Variants in PPP1R1C observed in about 807,000 individuals in gnomAD.
PPP1R1C encodes protein phosphatase 1 regulatory inhibitor subunit 1C, also known as protein phosphatase 1 regulatory subunit 1C.
In PPP1R1C, 15 loss-of-function variants were observed where a neutral mutation model predicts 17.4. The ratio of observed to expected loss-of-function variants is 0.86; its 90% CI spans 0.58 to 1.33. The LOEUF (loss-of-function observed/expected upper bound fraction) is 1.33. Among genes scored for constraint, PPP1R1C ranks in the 40% most tolerant of loss-of-function variants. The pLI is 0.00. For missense variants in PPP1R1C, 143 were observed against 130.0 expected (o/e 1.10, Z -0.48); for synonymous variants, 35 against 43.1 (o/e 0.81, Z 0.73).
chr2:181,999,952 T>C (rs1685713512), intron 2 of PPP1R1C, among the ~76,000 whole-genome samples: 1 of 152,210 alleles, frequency 6.6e-6, no homozygotes, highest in Non-Finnish European at 1.5e-5. Flanking sequence ...GAGGGACATC[T>C]GGATTCTAGT....
At chr2:182,111,079 A>G (rs1423702790) in intron 4 of PPP1R1C, among the ~76,000 whole-genome samples, 2 of 152,132 alleles carry the variant, frequency 1.3e-5, no homozygotes. Context: ...TTGATAAATG[A>G]TACCATATTA....
downstream of PPP1R1C, among the ~76,000 whole-genome samples, chr2:182,118,445 T>C (rs1251869214): frequency 6.6e-6 from 1 of 152,120 alleles, no homozygotes. Flanking sequence ...TGGTCCTTTA[T>C]TAATAATATT....
intron 2 of PPP1R1C, among the ~76,000 whole-genome samples, chr2:181,988,157 A>T (rs1315890757): frequency 1.3e-5 from 2 of 152,242 alleles, no homozygotes; most frequent in African/African-American, 4.8e-5. Context: ...ACTGGCTGTC[A>T]TATGTTCAGG....
chr2:182,008,255 A>T (rs906246713), intron 2 of PPP1R1C, among the ~76,000 whole-genome samples: 1 of 152,204 alleles, frequency 6.6e-6, no homozygotes, highest in African/African-American at 2.4e-5. Flanking sequence ...AGAGAGGGAC[A>T]GACTCAATAG....
At chr2:182,129,887 G>C (rs1207406962) in exon 6 of PPP1R1C, 1 of 152,088 alleles carries the variant, frequency 6.6e-6, no homozygotes, top group Non-Finnish European at 1.5e-5. Context: ...TTGCTAATGA[G>C]GCTAAGCTGG....
In PPP1R1C at chr2:182,081,808, G is replaced by A. The variant is rs556331037; in HGVS notation, c.241+18017G>A. Among the ~76,000 whole-genome samples, 218 of 152,240 alleles carry A rather than the reference G, an allele frequency of 1.4e-3. 2 individuals are homozygous for A. The highest frequency in any genetic ancestry group is 4.9e-3 in the African/African-American group (203 of 41,538). On this transcript the variant is annotated intron_variant, in intron 4 of 4. Coordinates refer to ENST00000682840, the MANE Select transcript of PPP1R1C (RefSeq NM_001080545.3). The stretch of plus-strand genomic sequence containing the variant: ...ATCACGTACACCTCATATCCTGCCT[G>A]CATAAAAGGCTGTGCCCATTTCACT...
intron 4 of PPP1R1C, among the ~76,000 whole-genome samples, chr2:182,080,587 C>G (rs1319463903): frequency 6.6e-6 from 1 of 152,144 alleles, no homozygotes; most frequent in Admixed American, 6.5e-5. Context: ...CAGATAGAAA[C>G]AGAACTATAT....
rs561679376 is a variant in PPP1R1C, at chr2:182,041,084, C to T, written c.143-20358C>T. Among the ~76,000 whole-genome samples, 155 of 152,102 alleles carry T rather than the reference C, an allele frequency of 1.0e-3. 1 individual carries two copies. Among genetic ancestry groups the T allele is most frequent in the African/African-American group, 3.2e-3 (134 of 41,498 alleles). On this transcript the variant is annotated intron_variant, in intron 2 of 4. Transcript: ENST00000682840. The stretch of plus-strand genomic sequence containing the variant: ...TAGAATAATTTTAATTCCTGTAATG[C>T]GATACGTCCAGATTTGTTCATTTTG...
chr2:182,070,198 G>T (rs1222673784), intron 4 of PPP1R1C, among the ~76,000 whole-genome samples: 1 of 152,194 alleles, frequency 6.6e-6, no homozygotes, highest in African/African-American at 2.4e-5. Context: ...TAAGTCTGGA[G>T]AGTAAAATGG....
At chr2:182,074,507 A>G (rs779378588) in intron 4 of PPP1R1C, among the ~76,000 whole-genome samples, 3 of 152,196 alleles carry the variant, frequency 2.0e-5, no homozygotes, top group African/African-American at 7.2e-5. Context: ...AATACTCATC[A>G]TATTTTCTTC....
chr2:181,973,948 T>C (rs1685054964), intron 1 of PPP1R1C, among the ~76,000 whole-genome samples: 1 of 152,282 alleles, frequency 6.6e-6, no homozygotes, highest in South Asian at 2.1e-4. Flanking sequence ...TTCTGGGGAT[T>C]GATTAATTAG....
At chr2:182,026,244 T>C (rs933778413) in intron 2 of PPP1R1C, among the ~76,000 whole-genome samples, 1 of 116,130 alleles carries the variant, frequency 8.6e-6, no homozygotes, top group Non-Finnish European at 1.8e-5. Flanking sequence ...TTGTCTTTTG[T>C]TGCCATTGCT....
chr2:182,033,634 C>T lies in PPP1R1C; in HGVS notation c.143-27808C>T, dbSNP rs147606646. ...GGTCCTTATCATCTCCATTCTTTTA[C>T]GATAACCTTGTCTCACTCCTTGTGC... On this transcript the variant is annotated intron_variant, in intron 2 of 4. Transcript: ENST00000682840. Among the ~76,000 whole-genome samples the T allele has an allele frequency of 7.5e-3, 1,142 of 152,218 alleles. 4 individuals carry two copies. Among genetic ancestry groups the T allele is most frequent in the Non-Finnish European group, 0.012 (792 of 68,006 alleles).
rs573825805 is a variant in PPP1R1C, at chr2:181,988,360, G to T, written c.142+461G>T. Reference sequence around the variant, plus strand: ...CAGCTTTGCTGATGACGTCATCTCTGAATAATGCAATTGACAAGTAACCAG... The same window carrying T: ...CAGCTTTGCTGATGACGTCATCTCTTAATAATGCAATTGACAAGTAACCAG... On this transcript the variant is annotated intron_variant, in intron 2 of 4. Coordinates refer to ENST00000682840, the MANE Select transcript of PPP1R1C (RefSeq NM_001080545.3). Among the ~76,000 whole-genome samples the T allele has an allele frequency of 5.3e-5, 8 of 152,374 alleles. No homozygotes were observed. In the East Asian group the frequency reaches 1.5e-3, roughly 29 times the overall value.
intron 2 of PPP1R1C, among the ~76,000 whole-genome samples, chr2:181,994,580 A>G (rs1685562849): frequency 6.6e-6 from 1 of 152,194 alleles, no homozygotes. Context: ...CTTAAATTGC[A>G]AAAGATTTCC....
At chr2:182,003,325 A>T (rs1450153924) in intron 2 of PPP1R1C, among the ~76,000 whole-genome samples, 1 of 152,078 alleles carries the variant, frequency 6.6e-6, no homozygotes, top group Non-Finnish European at 1.5e-5. Flanking sequence ...ACTTTGCTTT[A>T]TTCTTAGGCC....
intron 2 of PPP1R1C, among the ~76,000 whole-genome samples, chr2:181,979,516 C>T (rs1025081218): frequency 3.9e-5 from 6 of 152,206 alleles, no homozygotes; most frequent in Admixed American, 2.6e-4. Flanking sequence ...AATCAAATTG[C>T]CATACTCTCT....
chr2:181,978,760 C>T (rs192889821), intron 2 of PPP1R1C, among the ~76,000 whole-genome samples: 1 of 151,510 alleles, frequency 6.6e-6, no homozygotes, highest in Non-Finnish European at 1.5e-5. Context: ...TTAGGCCAGC[C>T]GAGATTTGAA....
intron 4 of PPP1R1C, among the ~76,000 whole-genome samples, chr2:182,115,753 A>G (rs542029770): frequency 2.6e-5 from 4 of 152,316 alleles, no homozygotes; most frequent in African/African-American, 9.6e-5. Context: ...ATATTTTTGC[A>G]ATCCATGAAG....
Sources: allele counts gnomAD v4.1 joint callset (sites outside exome capture counted in the v4.1 genomes callset), GRCh38; gene constraint gnomAD v4.1.1; transcripts MANE v1.5; gene names NCBI Gene and HGNC (gene_info 2026-07-23, HGNC 2026-07-21).